NKAIN3: variants seen among roughly 807,000 people sequenced by gnomAD.
The protein encoded by NKAIN3 is sodium/potassium-transporting ATPase subunit beta-1-interacting protein 3.
In NKAIN3, 25 loss-of-function variants were observed where a neutral mutation model predicts 30.2. The ratio of observed to expected loss-of-function variants is 0.83; its 90% confidence interval spans 0.60 to 1.16. The LOEUF is 1.16. Among genes scored for constraint, NKAIN3 ranks in the 50% most tolerant of loss-of-function variants. The pLI, the probability that NKAIN3 is intolerant of heterozygous loss-of-function variation, is 0.00. For missense variants in NKAIN3, 225 were observed against 254.1 expected (o/e 0.89, Z 0.78); for synonymous variants, 91 against 89.6 (o/e 1.02, Z -0.09).
At chr8:62,502,747 T>C (rs1161329295) in intron 1 of NKAIN3, among the ~76,000 whole-genome samples, 1 of 152,174 alleles carries the variant, frequency 6.6e-6, no homozygotes, top group East Asian at 1.9e-4. Flanking sequence ...CACATTTACA[T>C]ATGTAGCAGC....
intron 1 of NKAIN3, among the ~76,000 whole-genome samples, chr8:62,577,940 G>A (rs995972213): frequency 6.6e-6 from 1 of 151,918 alleles, no homozygotes; most frequent in Non-Finnish European, 1.5e-5. Context: ...GGTAAATTCA[G>A]CTTACTGGAT....
At chr8:62,517,763 T>C (rs1808039415) in intron 1 of NKAIN3, among the ~76,000 whole-genome samples, 1 of 152,186 alleles carries the variant, frequency 6.6e-6, no homozygotes, top group African/African-American at 2.4e-5. Flanking sequence ...CATTTTGTTC[T>C]GTCAGGACCA....
chr8:62,672,419 C>A (rs1813332530), intron 3 of NKAIN3, among the ~76,000 whole-genome samples: 1 of 152,126 alleles, frequency 6.6e-6, no homozygotes, highest in South Asian at 2.1e-4. Flanking sequence ...ACTCAAAAAG[C>A]CTGTTGATCC....
chr8:62,281,436 C>G (rs1028240818), intron 1 of NKAIN3, among the ~76,000 whole-genome samples: 1 of 152,044 alleles, frequency 6.6e-6, no homozygotes, highest in African/African-American at 2.4e-5. Flanking sequence ...TGTGTTTGCT[C>G]TTGCTTCTCT....
At chr8:62,771,726 A>G (rs531029275) in intron 4 of NKAIN3, among the ~76,000 whole-genome samples, 29 of 152,156 alleles carry the variant, frequency 1.9e-4, no homozygotes, top group Non-Finnish European at 3.2e-4. Flanking sequence ...TCAATTCACT[A>G]TAGTTAAAAT....
At chr8:62,711,209 GT>G in intron 3 of NKAIN3, among the ~76,000 whole-genome samples, 1 of 152,154 alleles carries the variant, frequency 6.6e-6, no homozygotes, top group East Asian at 1.9e-4. Context: ...TGATGACAAT[GT>G]GCTAGGCAAA....
At chr8:62,387,073 T>G (rs1417686749) in intron 1 of NKAIN3, among the ~76,000 whole-genome samples, 2 of 152,132 alleles carry the variant, frequency 1.3e-5, no homozygotes, top group African/African-American at 4.8e-5. Flanking sequence ...TTTCGGATAG[T>G]CACAAATACT....
chr8:62,772,511 T>C (rs1817051382), intron 4 of NKAIN3, among the ~76,000 whole-genome samples: 1 of 152,192 alleles, frequency 6.6e-6, no homozygotes, highest in Non-Finnish European at 1.5e-5. Context: ...TGCCTTTCTT[T>C]TGGATAAAAC....
intron 4 of NKAIN3, among the ~76,000 whole-genome samples, chr8:62,839,929 A>G (rs1819480205): frequency 6.6e-6 from 1 of 152,140 alleles, no homozygotes; most frequent in African/African-American, 2.4e-5. Flanking sequence ...AGACATTTAT[A>G]AAATGCCTTC....
At chr8:62,374,396 C>A (rs1817010791) in intron 1 of NKAIN3, among the ~76,000 whole-genome samples, 2 of 152,078 alleles carry the variant, frequency 1.3e-5, no homozygotes, top group Admixed American at 6.6e-5. Context: ...CATAAATTGG[C>A]AAATGAAGTT....
intron 1 of NKAIN3, among the ~76,000 whole-genome samples, chr8:62,349,601 T>C (rs1816119057): frequency 6.6e-6 from 1 of 152,146 alleles, no homozygotes; most frequent in Admixed American, 6.6e-5. Context: ...CAGTAAAGCA[T>C]ATGCACGTGG....
chr8:62,690,208 G>A (rs936355225), intron 3 of NKAIN3, among the ~76,000 whole-genome samples: 1 of 151,994 alleles, frequency 6.6e-6, no homozygotes, highest in African/African-American at 2.4e-5. Flanking sequence ...ACCAATCATA[G>A]CGCCTCACCC....
rs79253961 is a variant in NKAIN3 at position 62,290,709 on chromosome 8, G to GT, written c.54+41583dup. 2.6e-5 allele frequency among the ~76,000 whole-genome samples: 4 copies of GT among 151,866 alleles called. No individual in the cohort carries two copies. In the East Asian group the frequency reaches 7.8e-4, roughly 30 times the overall value. On this transcript the variant is annotated intron_variant, in intron 1 of 6. Coordinates refer to ENST00000623646, the MANE Select transcript of NKAIN3 (RefSeq NM_001304533.3). ...TATTGGTCTAAAATTCTCTTTTTTT[G>GT]TGTGTCTCTGTCAGGCTTTGGTATC...
At chr8:62,931,948 C>T (rs74539508) in intron 5 of NKAIN3, among the ~76,000 whole-genome samples, 85 of 152,262 alleles carry the variant, frequency 5.6e-4, no homozygotes, top group South Asian at 2.1e-3. Context: ...AACTCCTGTA[C>T]GCATTGAAAT....
At chr8:62,942,594 C>T (rs1822999894) in intron 5 of NKAIN3, among the ~76,000 whole-genome samples, 1 of 149,932 alleles carries the variant, frequency 6.7e-6, no homozygotes, top group Admixed American at 6.7e-5. Context: ...GCAAAAAGAA[C>T]AAATCTGGAG....
chr8:62,959,972 GC>G (rs1172048205), intron 6 of NKAIN3, among the ~76,000 whole-genome samples: 3 of 152,060 alleles, frequency 2.0e-5, no homozygotes, highest in Non-Finnish European at 4.4e-5. Flanking sequence ...GCTTTCTCTA[GC>G]TTTGGACCTC....
chr8:62,759,812 C>G (rs182380483), intron 4 of NKAIN3, among the ~76,000 whole-genome samples: 40 of 152,150 alleles, frequency 2.6e-4, no homozygotes, highest in African/African-American at 8.9e-4. Context: ...AAAGAAACTA[C>G]CATCAGAGTG....
rs1823725234 is a variant in NKAIN3 at position 62,966,815 on chromosome 8, A to T, written c.*1408A>T. Among the ~76,000 whole-genome samples, 1 of 152,220 alleles carries T rather than the reference A, an allele frequency of 6.6e-6. No individual in the cohort carries two copies. Among genetic ancestry groups the T allele is most frequent in the East Asian group, 1.9e-4 (1 of 5,198 alleles). On this transcript the variant is annotated 3_prime_UTR_variant, in exon 7 of 7. Transcript: ENST00000623646. ...ATGTGGTTATTAACTCAGCCCATGC[A>T]TCTCTAAGAAGTCCGTCTATTAACC...
At chr8:62,675,111 C>T (rs774522063) in intron 3 of NKAIN3, among the ~76,000 whole-genome samples, 19 of 152,052 alleles carry the variant, frequency 1.2e-4, no homozygotes, top group Non-Finnish European at 2.8e-4. Flanking sequence ...CAGTATGACC[C>T]TCTGCGAAAT....
Sources: gnomAD v4.1 joint callset for allele counts (sites outside exome capture counted in the v4.1 genomes callset) on GRCh38, gnomAD v4.1.1 for gene constraint, MANE v1.5 for transcripts, NCBI Gene and HGNC (gene_info 2026-07-23, HGNC 2026-07-21) for gene names.